The following CRB1 variants were observed in gnomAD, a reference collection of about 807,000 sequenced individuals.
The protein encoded by CRB1 is protein crumbs homolog 1.
CRB1 carries 83 observed loss-of-function variants against 120.0 expected under a neutral mutation model. That is an observed-to-expected ratio of 0.69 (90% CI 0.58 to 0.83). The LOEUF (loss-of-function observed/expected upper bound fraction) is 0.83, where lower values mean the gene tolerates loss of function less well. Ranked by LOEUF, CRB1 falls within the 40% of genes least tolerant of loss-of-function variation. The pLI is 0.00. For missense variants in CRB1, 1,699 were observed against 1,687.6 expected (o/e 1.01, Z -0.12); for synonymous variants, 625 against 612.5 (o/e 1.02, Z -0.30).
At chr1:197,297,506 G>A (rs573441811) in intron 1 of CRB1, among the ~76,000 whole-genome samples, 159 of 152,050 alleles carry the variant, frequency 1.0e-3, no homozygotes, top group Non-Finnish European at 1.7e-3. Flanking sequence ...TACTGCATGG[G>A]AGTGCAGGAT....
chr1:197,359,261 A>G (rs933807022), intron 5 of CRB1, among the ~76,000 whole-genome samples: 7 of 152,042 alleles, frequency 4.6e-5, no homozygotes, highest in African/African-American at 1.7e-4. Context: ...CCTGGCAAAT[A>G]CTAATCTGTT....
intron 1 of CRB1, among the ~76,000 whole-genome samples, chr1:197,307,624 C>A (rs1657249350): frequency 6.6e-6 from 1 of 152,116 alleles, no homozygotes; most frequent in Non-Finnish European, 1.5e-5. Flanking sequence ...GTTATTTTCT[C>A]TTTTTGTTTA....
chr1:197,210,422 A>G, the CRB1 span, among the ~76,000 whole-genome samples: 4 of 152,208 alleles, frequency 2.6e-5, no homozygotes, highest in African/African-American at 9.7e-5. Flanking sequence ...TATCTCCAGG[A>G]ATTCAAGGTA....
chr1:197,319,258 C>CCAAAAAAA (rs1338233936), intron 1 of CRB1, among the ~76,000 whole-genome samples: 1 of 20,140 alleles, frequency 5.0e-5, no homozygotes, highest in Non-Finnish European at 1.1e-4. Flanking sequence ...CCTGTCTCTA[C>CCAAAAAAA]TAAAAAAAAA....
intron 1 of CRB1, among the ~76,000 whole-genome samples, chr1:197,295,462 G>C (rs1656464469): frequency 6.6e-6 from 1 of 152,028 alleles, no homozygotes; most frequent in Non-Finnish European, 1.5e-5. Context: ...TTGGGGCTTT[G>C]TCTTGTAGGA....
At chr1:197,347,245 G>T in intron 3 of CRB1, 95 bp from the exon 4 acceptor site, 1 of 1,094,508 alleles carries the variant, frequency 9.1e-7, no homozygotes, top group South Asian at 1.2e-5. Context: ...ATGATGCCAT[G>T]GGTCTTGGGT....
At chr1:197,423,653 A>G (rs1664442785) in intron 6 of CRB1, among the ~76,000 whole-genome samples, 1 of 152,152 alleles carries the variant, frequency 6.6e-6, no homozygotes, top group Non-Finnish European at 1.5e-5. Flanking sequence ...GCTACTGTAC[A>G]TATACGTGCA....
chr1:197,328,543 C>CAAAG lies in CRB1; in HGVS notation c.194_197dup (p.Asp66GlufsTer4), dbSNP rs1658656188. The CAAAG allele has an allele frequency of 6.2e-7, 1 of 1,614,000 alleles. No homozygotes were observed. The highest frequency in any genetic ancestry group is 1.3e-5 in the African/African-American group (1 of 74,910). On this transcript the variant is annotated frameshift_variant, in exon 2 of 12. Transcript: ENST00000367400. LOFTEE classifies it high-confidence loss of function. ...GTTCAGACACAGCCAATAATTTGGA[C>CAAAG]AAAGACTGTGACAACATGAAAGACC...
At chr1:197,471,968 C>T (rs1310465484) in intron 11 of CRB1, among the ~76,000 whole-genome samples, 1 of 152,118 alleles carries the variant, frequency 6.6e-6, no homozygotes, top group African/African-American at 2.4e-5. Context: ...TCGAGAGATG[C>T]CTTTATTTTA....
chr1:197,271,968 A>C (rs1654933705), intron 1 of CRB1, among the ~76,000 whole-genome samples: 3 of 152,206 alleles, frequency 2.0e-5, no homozygotes, highest in South Asian at 2.1e-4. Flanking sequence ...TTACCAGAAC[A>C]ATGTTAAAGA....
chr1:197,206,727 G>A, the CRB1 span, among the ~76,000 whole-genome samples: 10 of 152,252 alleles, frequency 6.6e-5, no homozygotes, highest in Non-Finnish European at 1.0e-4. Flanking sequence ...TGGGTAGAAT[G>A]TTCTGTAAAT....
chr1:197,314,989 C>T (rs531769852), intron 1 of CRB1, among the ~76,000 whole-genome samples: 8 of 152,288 alleles, frequency 5.3e-5, no homozygotes, highest in African/African-American at 1.9e-4. Flanking sequence ...CTGCCTATGA[C>T]TCTGACCTCA....
intron 5 of CRB1, chr1:197,357,354 T>C (rs1156381804): frequency 2.9e-6 from 1 of 348,332 alleles, no homozygotes; most frequent in Non-Finnish European, 5.4e-6. Context: ...AAATTTTATG[T>C]TATTCAAATT....
intron 5 of CRB1, among the ~76,000 whole-genome samples, chr1:197,366,468 A>G (rs1475248268): frequency 6.6e-6 from 1 of 152,232 alleles, no homozygotes; most frequent in Non-Finnish European, 1.5e-5. Flanking sequence ...TTAAGAATGT[A>G]TTTATTACTC....
intron 1 of CRB1, among the ~76,000 whole-genome samples, chr1:197,308,536 T>A (rs1055440510): frequency 1.3e-5 from 2 of 152,212 alleles, no homozygotes; most frequent in African/African-American, 2.4e-5. Flanking sequence ...TATATAAAAA[T>A]TTTTAAAAAG....
At chr1:197,260,751 C>T in the CRB1 span, among the ~76,000 whole-genome samples, 2 of 150,592 alleles carry the variant, frequency 1.3e-5, no homozygotes, top group Non-Finnish European at 2.9e-5. Flanking sequence ...GGCTAGAGTG[C>T]GGTAGGGAGA....
intron 2 of CRB1, among the ~76,000 whole-genome samples, chr1:197,343,664 A>AT (rs915426162): frequency 3.3e-5 from 5 of 152,206 alleles, no homozygotes; most frequent in African/African-American, 4.8e-5. Context: ...TGTACAATAG[A>AT]TTTTTTGTGG....
chr1:197,477,405 GA>G, intron 11 of CRB1: 2 of 515,900 alleles, frequency 3.9e-6, no homozygotes, highest in Non-Finnish European at 7.2e-6. Context: ...CAGTCACTGA[GA>G]TTAAGAGACT....
intron 1 of CRB1, among the ~76,000 whole-genome samples, chr1:197,270,364 C>G (rs1654841285): frequency 6.6e-6 from 1 of 152,134 alleles, no homozygotes; most frequent in Non-Finnish European, 1.5e-5. Context: ...TGAGGCACCT[C>G]AGGGAGCTGG....
Sources: gnomAD v4.1 joint callset for allele counts (sites outside exome capture counted in the v4.1 genomes callset) on GRCh38, gnomAD v4.1.1 for gene constraint, MANE v1.5 for transcripts, NCBI Gene and HGNC (gene_info 2026-07-23, HGNC 2026-07-21) for gene names.